The following PCDH15 variants were observed in gnomAD, a reference collection of about 807,000 sequenced individuals.
PCDH15 encodes protocadherin related 15, also known as protocadherin-15.
PCDH15 carries 129 observed loss-of-function variants against 178.5 expected under a neutral mutation model. That is an observed-to-expected ratio of 0.72 (90% confidence interval 0.63 to 0.84). PCDH15 has a LOEUF of 0.84. Among genes scored for constraint, PCDH15 ranks in the 40% least tolerant of loss-of-function variants. PCDH15 has a pLI of 0.00. For synonymous variants in PCDH15, 800 were observed against 732.0 expected (o/e 1.09, Z -1.50); for missense variants, 2,230 against 2,099.9 (o/e 1.06, Z -1.21).
intron 2 of PCDH15, among the ~76,000 whole-genome samples, chr10:54,950,718 C>G (rs143814067): frequency 1.3e-5 from 2 of 152,036 alleles, no homozygotes; most frequent in Non-Finnish European, 2.9e-5. Context: ...ATCATGAGAA[C>G]AGCGTGGGGG....
At chr10:55,542,127 C>T (rs1841773593) in intron 2 of PCDH15, among the ~76,000 whole-genome samples, 1 of 149,500 alleles carries the variant, frequency 6.7e-6, no homozygotes, top group Non-Finnish European at 1.5e-5. Context: ...ACAAAGAAAT[C>T]AGTATTATAT....
intron 2 of PCDH15, among the ~76,000 whole-genome samples, chr10:55,336,883 G>A (rs553376357): frequency 7.2e-5 from 11 of 152,098 alleles, no homozygotes; most frequent in African/African-American, 2.4e-4. Flanking sequence ...TTTGTTATAC[G>A]GGAGTCTCAG....
intron 2 of PCDH15, among the ~76,000 whole-genome samples, chr10:54,902,360 G>A (rs1042762745): frequency 1.2e-4 from 19 of 152,194 alleles, no homozygotes; most frequent in African/African-American, 4.6e-4. Flanking sequence ...GCTGGTGGGA[G>A]ATGATTGGAT....
intron 11 of PCDH15, among the ~76,000 whole-genome samples, chr10:54,194,467 C>T (rs1303100333): frequency 6.6e-6 from 1 of 152,030 alleles, no homozygotes; most frequent in Non-Finnish European, 1.5e-5. Flanking sequence ...CAAAAAAATC[C>T]ATCTATCTGA....
chr10:54,363,229 T>C (rs1189868052), intron 5 of PCDH15, among the ~76,000 whole-genome samples: 1 of 152,140 alleles, frequency 6.6e-6, no homozygotes, highest in Admixed American at 6.6e-5. Flanking sequence ...CAAATACATA[T>C]GCAGTATTGT....
At chr10:54,720,899 G>A (rs1413483058) in intron 1 of PCDH15, among the ~76,000 whole-genome samples, 2 of 151,830 alleles carry the variant, frequency 1.3e-5, no homozygotes, top group African/African-American at 2.4e-5. Flanking sequence ...GACATAATAG[G>A]TATTTACATT....
intron 2 of PCDH15, among the ~76,000 whole-genome samples, chr10:55,489,950 G>A (rs931431324): frequency 2.6e-5 from 4 of 151,664 alleles, no homozygotes; most frequent in East Asian, 3.9e-4. Context: ...AAAGTTTACC[G>A]AAAACTCAAA....
upstream of PCDH15, among the ~76,000 whole-genome samples, chr10:54,805,747 A>T (rs1952768736): frequency 6.6e-6 from 1 of 152,178 alleles, no homozygotes; most frequent in African/African-American, 2.4e-5. Flanking sequence ...TTTGGGATAT[A>T]ATACAGTAGC....
intron 18 of PCDH15, among the ~76,000 whole-genome samples, chr10:54,050,558 AT>A (rs2093747710): frequency 6.6e-6 from 1 of 151,898 alleles, no homozygotes; most frequent in Non-Finnish European, 1.5e-5. Flanking sequence ...CCTCAATTTA[AT>A]TCAGTTCTTT....
intron 3 of PCDH15, among the ~76,000 whole-genome samples, chr10:54,833,623 TCA>T (rs925509201): frequency 1.8e-4 from 27 of 152,216 alleles, no homozygotes; most frequent in Admixed American, 3.3e-4. Flanking sequence ...TTGACAGCCC[TCA>T]CAGTCATGTA....
chr10:55,566,358 T>G (rs181213167), intron 2 of PCDH15, among the ~76,000 whole-genome samples: 1 of 151,692 alleles, frequency 6.6e-6, no homozygotes, highest in East Asian at 1.9e-4. Flanking sequence ...TAAAACATCA[T>G]AGTCAATCGT....
chr10:55,225,124 A>C (rs978412738), intron 1 of PCDH15, among the ~76,000 whole-genome samples: 4 of 150,102 alleles, frequency 2.7e-5, no homozygotes, highest in Non-Finnish European at 5.9e-5. Flanking sequence ...TTTTTTGGTT[A>C]TCTTCACTAT....
chr10:53,888,304 A>ATATATATATATATATG (rs1554845195), intron 26 of PCDH15, among the ~76,000 whole-genome samples: 86 of 88,920 alleles, frequency 9.7e-4, no homozygotes, highest in African/African-American at 4.7e-3. Context: ...ATATATATAT[A>ATATATATATATATATG]TATATGTATA....
intron 3 of PCDH15, among the ~76,000 whole-genome samples, chr10:54,832,850 T>G (rs750127005): frequency 1.1e-4 from 17 of 152,142 alleles, no homozygotes; most frequent in African/African-American, 1.7e-4. Context: ...ACAGAAGTGG[T>G]GACACTATAG....
At chr10:54,297,328 G>A (rs1253220905) in intron 8 of PCDH15, among the ~76,000 whole-genome samples, 1 of 152,100 alleles carries the variant, frequency 6.6e-6, no homozygotes, top group Non-Finnish European at 1.5e-5. Context: ...CTGCACTATG[G>A]CTCGGCCACA....
chr10:55,119,668 T>C (rs1437533202), intron 2 of PCDH15, among the ~76,000 whole-genome samples: 2 of 152,216 alleles, frequency 1.3e-5, no homozygotes, highest in Non-Finnish European at 2.9e-5. Context: ...CAGATCTTAT[T>C]TGACAACACA....
chr10:54,942,142 T>A lies in PCDH15; in HGVS notation c.-79-44642A>T, dbSNP rs574578667. Among the ~76,000 whole-genome samples the A allele has an allele frequency of 2.0e-5, 3 of 152,208 alleles. No individual in the cohort carries two copies. In the South Asian group the frequency reaches 6.2e-4, roughly 31 times the overall value. ...TCTGACTGTGCTCTTCGGTCTACACTTTCCTAAACTTTTTCATTCTAAATA... is the reference window on the plus strand; with the variant it reads ...TCTGACTGTGCTCTTCGGTCTACACATTCCTAAACTTTTTCATTCTAAATA... On this transcript the variant is annotated intron_variant, in intron 2 of 5. Transcript: ENST00000458638.
At position 53,806,227 on chromosome 10, in the gene PCDH15, G is replaced by A. The variant is rs1841145123; in HGVS notation, c.*352C>T. ...ATTACATGTACTAAAAATGTTTTGT[G>A]GAGCTAGAAATAAAGCATAATCTAT... On this transcript the variant is annotated 3_prime_UTR_variant, in exon 38 of 38. Transcript: ENST00000644397. The A allele has an allele frequency of 5.5e-6, 1 of 183,370 alleles. No homozygotes were observed. The highest frequency in any genetic ancestry group is 1.2e-4 in the South Asian group (1 of 8,230). 11.4% of individuals were successfully genotyped at this position (183,370 alleles called of 1,614,324 possible). A position where few individuals can be genotyped will look rare whatever the true frequency, so the allele number is the denominator to read the frequency against.
At chr10:55,409,520 G>A (rs936161997) in intron 2 of PCDH15, among the ~76,000 whole-genome samples, 1 of 152,012 alleles carries the variant, frequency 6.6e-6, no homozygotes, top group East Asian at 1.9e-4. Flanking sequence ...TTGTTTCCCT[G>A]ATTCTCCTCT....
Sources: gnomAD v4.1 joint callset for allele counts (sites outside exome capture counted in the v4.1 genomes callset) on GRCh38, gnomAD v4.1.1 for gene constraint, MANE v1.5 for transcripts, NCBI Gene and HGNC (gene_info 2026-07-23, HGNC 2026-07-21) for gene names.